Variants in CRMP1 observed in about 807,000 individuals in gnomAD.
CRMP1 encodes collapsin response mediator protein 1.
In CRMP1, 19 loss-of-function variants were observed where a neutral mutation model predicts 68.3. The observed-to-expected ratio is 0.28, with a 90% confidence interval of 0.19 to 0.41. The LOEUF (loss-of-function observed/expected upper bound fraction) is 0.41. Ranked by LOEUF, CRMP1 falls within the 10% of genes least tolerant of loss-of-function variation. CRMP1 has a pLI of 1.00. For synonymous variants in CRMP1, 439 were observed against 399.6 expected (o/e 1.10, Z -1.18); for missense variants, 791 against 967.4 (o/e 0.82, Z 2.42).
intron 1 of CRMP1, among the ~76,000 whole-genome samples, chr4:5,874,316 A>G (rs1714663382): frequency 6.6e-6 from 1 of 152,232 alleles, no homozygotes; most frequent in Non-Finnish European, 1.5e-5. Flanking sequence ...ATAAAATGTG[A>G]GGAGAAAAAG....
chr4:5,885,352 G>A (rs568938085), intron 1 of CRMP1, among the ~76,000 whole-genome samples: 1 of 152,150 alleles, frequency 6.6e-6, no homozygotes, highest in Non-Finnish European at 1.5e-5. Flanking sequence ...CAACAAGCAG[G>A]TGGGGACCTG....
At chr4:5,824,155 C>T (rs116313923) in intron 13 of CRMP1, 228 of 241,824 alleles carry the variant, frequency 9.4e-4, no homozygotes, top group African/African-American at 5.0e-3. Context: ...TGCAATTGTG[C>T]AGTGTTTAAT....
rs1714019516 is a variant in CRMP1 at position 5,866,613 on chromosome 4, G to A, written c.470+55C>T. The stretch of plus-strand genomic sequence containing the variant: ...AATGCCAGCCTTCTGTTCCATCTAA[G>A]GCCAGGCAGCCTGGCGACACAGGTT... On this transcript the variant is annotated intron_variant, in intron 2 of 13. Coordinates refer to ENST00000324989, the MANE Select transcript of CRMP1 (RefSeq NM_001014809.3). The surrounding 1 kb of genome is among the most constrained non-coding windows in gnomAD (Gnocchi z 5.9). 2.8e-5 allele frequency: 38 copies of A among 1,339,368 alleles called. 1 individual carries two copies. In the South Asian group the frequency reaches 4.5e-4, roughly 16 times the overall value. 83.0% of individuals were successfully genotyped at this position (1,339,368 alleles called of 1,614,324 possible). A position where few individuals can be genotyped will look rare whatever the true frequency, so the allele number is the denominator to read the frequency against.
At chr4:5,824,401 C>A in intron 13 of CRMP1, 1 of 985,314 alleles carries the variant, frequency 1.0e-6, no homozygotes, top group Non-Finnish European at 1.2e-6. Context: ...TGATTCATGC[C>A]TCCTCGGCAT....
chr4:5,890,804 T>C lies in CRMP1; in HGVS notation c.381+1785A>G, dbSNP rs1205389787. The stretch of plus-strand genomic sequence containing the variant: ...GGGGGAGATGCTGGCGTTGGTGACA[T>C]TGACCGCAGTTCCAGAGGAACTCTC... On this transcript the variant is annotated intron_variant, in intron 1 of 13. Coordinates refer to ENST00000324989, the MANE Select transcript of CRMP1 (RefSeq NM_001014809.3). The surrounding 1 kb of genome is among the most constrained non-coding windows in gnomAD (Gnocchi z 5.5). 6.6e-6 allele frequency among the ~76,000 whole-genome samples: 1 copy of C among 151,978 alleles called. No homozygotes were observed. The highest frequency in any genetic ancestry group is 1.5e-5 in the Non-Finnish European group (1 of 67,972).
intron 3 of CRMP1, among the ~76,000 whole-genome samples, chr4:5,856,858 C>CCAT (rs1454084472): frequency 3.4e-5 from 1 of 29,766 alleles, no homozygotes; most frequent in Non-Finnish European, 1.0e-4. Flanking sequence ...CATTGTCACC[C>CCAT]CACCATCATC....
intron 13 of CRMP1, chr4:5,824,778 A>T (rs1719277157): frequency 1.0e-6 from 1 of 983,008 alleles, no homozygotes; most frequent in East Asian, 1.1e-4. Context: ...TGTGCAACCC[A>T]TGCAACGCCT....
Position 5,834,069 on chromosome 4 carries a change from G to C in CRMP1, c.1623+1846C>G, listed in dbSNP as rs1233094126. Among the ~76,000 whole-genome samples the C allele has an allele frequency of 6.6e-6, 1 of 152,148 alleles. No individual in the cohort carries two copies. The highest frequency in any genetic ancestry group is 1.9e-4 in the East Asian group (1 of 5,190). On this transcript the variant is annotated intron_variant, in intron 11 of 13. Transcript: ENST00000324989. The surrounding 1 kb of genome is among the most constrained non-coding windows in gnomAD (Gnocchi z 4.3). The stretch of plus-strand genomic sequence containing the variant: ...TCAACAACAACAAAAGGAATAGTAA[G>C]ACAATCCCAGCTCAGTCTACTTCCT...
chr4:5,839,704 G>A (rs1413534758), intron 8 of CRMP1, 26 bp from the exon 9 acceptor site: 3 of 1,382,394 alleles, frequency 2.2e-6, no homozygotes, highest in Non-Finnish European at 3.0e-6. Context: ...CATAAGCCTG[G>A]TTAAAAGCAA....
chr4:5,873,888 G>C (rs551560847), intron 1 of CRMP1, among the ~76,000 whole-genome samples: 17 of 152,332 alleles, frequency 1.1e-4, no homozygotes, highest in Admixed American at 4.6e-4. Flanking sequence ...ATGTGTAAAG[G>C]GGAGTCTGGG....
chr4:5,886,539 A>C (rs1459989898), intron 1 of CRMP1, among the ~76,000 whole-genome samples: 1 of 152,240 alleles, frequency 6.6e-6, no homozygotes, highest in Non-Finnish European at 1.5e-5. Context: ...TCAGCTTAGC[A>C]GACTGGGACT....
intron 10 of CRMP1, 135 bp downstream of exon 10, chr4:5,836,630 G>T: frequency 7.8e-7 from 1 of 1,275,542 alleles, no homozygotes; most frequent in Non-Finnish European, 1.1e-6. Context: ...GTTCCCTCCT[G>T]CGCCCTCCTA....
Position 5,861,208 on chromosome 4 carries a change from T to C in CRMP1, c.473A>G (p.Gln158Arg). 6.2e-7 allele frequency: 1 copy of C among 1,612,748 alleles called. No individual in the cohort carries two copies. Among genetic ancestry groups the C allele is most frequent in the South Asian group, 1.1e-5 (1 of 90,902 alleles). The change falls in exon 3 of 14, where the codon CAA becomes CGA. Residue 158 changes from glutamine to arginine, a missense_variant and splice_region_variant. Around this residue, in one of 3 missense-constraint regions of CRMP1, gnomAD observed 594 missense variants for 763.6 expected, o/e 0.78. Transcript: ENST00000324989. The surrounding 1 kb of genome is among the most constrained non-coding windows in gnomAD (Gnocchi z 6.0). ...AGGAACGATTAAGTTCTCTCCTATT[T>C]GTCTGGAGGCAAACAACAGAGACAG... ...DVYLEDGLIK[Q>R]IGENLIVPGG...
In CRMP1 at chr4:5,891,772, T is replaced by C. The variant is rs141956787; in HGVS notation, c.381+817A>G. 6.6e-6 allele frequency among the ~76,000 whole-genome samples: 1 copy of C among 152,264 alleles called. No individual in the cohort carries two copies. The highest frequency in any genetic ancestry group is 1.9e-4 in the East Asian group (1 of 5,160). ...CGTCCATCCGCCCTTCTTCCCCCAG[T>C]TTCCTGGTGACCCCCAGCTCAAGAG... On this transcript the variant is annotated intron_variant, in intron 1 of 13. Coordinates refer to ENST00000324989, the MANE Select transcript of CRMP1 (RefSeq NM_001014809.3). This position sits in a 1 kb window ranked among gnomAD's most constrained non-coding sequence, Gnocchi z 5.2.
intron 1 of CRMP1, among the ~76,000 whole-genome samples, chr4:5,869,966 C>T (rs1176086693): frequency 6.6e-6 from 1 of 152,204 alleles, no homozygotes; most frequent in Non-Finnish European, 1.5e-5. Context: ...GACCAGGTCC[C>T]ATGGTCTTAT....
rs1713972582 is a variant in CRMP1, at chr4:5,866,019, C to T, written c.470+649G>A. Reference sequence around the variant, plus strand: ...GATCCGGGACTTCCAGCCTCCAGAACTATGAGAAATAAACTTCTGCTGTTT... The same window carrying T: ...GATCCGGGACTTCCAGCCTCCAGAATTATGAGAAATAAACTTCTGCTGTTT... On this transcript the variant is annotated intron_variant, in intron 2 of 13. Coordinates refer to ENST00000324989, the MANE Select transcript of CRMP1 (RefSeq NM_001014809.3). This position sits in a 1 kb window ranked among gnomAD's most constrained non-coding sequence, Gnocchi z 5.9. Among the ~76,000 whole-genome samples, 1 of 152,186 alleles carries T rather than the reference C, an allele frequency of 6.6e-6. No individual in the cohort carries two copies.
At position 5,876,018 on chromosome 4, in the gene CRMP1, T is replaced by C. The variant is rs113465042; in HGVS notation, c.382-9262A>G. Among the ~76,000 whole-genome samples, 34 of 152,070 alleles carry C rather than the reference T, an allele frequency of 2.2e-4. No individual in the cohort carries two copies. In the East Asian group the frequency reaches 5.8e-3, roughly 26 times the overall value. The stretch of plus-strand genomic sequence containing the variant: ...AATACAAAAAATTAGCCGAGCATGG[T>C]GGCAGGCGCCTGTAGTCCCAGCTAC... On this transcript the variant is annotated intron_variant, in intron 1 of 13. Transcript: ENST00000324989.
chr4:5,847,847 G>A lies in CRMP1; in HGVS notation c.963+1545C>T, dbSNP rs142884286. 6.0e-3 allele frequency among the ~76,000 whole-genome samples: 916 copies of A among 152,282 alleles called. 7 individuals carry two copies. The highest frequency in any genetic ancestry group is 0.021 in the African/African-American group (880 of 41,548). ...ATTATATCTACCTCACGGAGTAGTT[G>A]TGAGTATCAATATGTGAAGTCCTTT... On this transcript the variant is annotated intron_variant, in intron 6 of 13. Transcript: ENST00000324989.
At chr4:5,823,926 TATG>T (rs1719106779) in intron 13 of CRMP1, among the ~76,000 whole-genome samples, 1 of 152,212 alleles carries the variant, frequency 6.6e-6, no homozygotes, top group Non-Finnish European at 1.5e-5. Context: ...GTGAGGTTGT[TATG>T]ATGTTGGAAA....
Sources: gnomAD v4.1 joint callset for allele counts (sites outside exome capture counted in the v4.1 genomes callset) on GRCh38, gnomAD v4.1.1 for gene constraint, gnomAD v4.1.1 regional missense constraint, Gnocchi (gnomAD v3.1) non-coding constraint, MANE v1.5 for transcripts, NCBI Gene and HGNC (gene_info 2026-07-23, HGNC 2026-07-21) for gene names.